The following LAMA1 variants were observed in gnomAD, a reference collection of about 807,000 sequenced individuals.
LAMA1 encodes the protein laminin subunit alpha 1, also known as laminin subunit alpha-1.
In LAMA1, 219 loss-of-function variants were observed where a neutral mutation model predicts 348.7. The observed-to-expected ratio is 0.63, with a 90% CI of 0.56 to 0.70. The LOEUF (loss-of-function observed/expected upper bound fraction) is 0.70. Among genes scored for constraint, LAMA1 ranks in the 30% least tolerant of loss-of-function variants. The pLI, the probability that LAMA1 is intolerant of heterozygous loss-of-function variation, is 0.00. For missense variants in LAMA1, 3,744 were observed against 3,888.0 expected (o/e 0.96, Z 0.99); for synonymous variants, 1,487 against 1,491.0 (o/e 1.00, Z 0.06).
chr18:7,100,670 A>G (rs2058287842), intron 1 of LAMA1, among the ~76,000 whole-genome samples: 2 of 152,190 alleles, frequency 1.3e-5, no homozygotes, highest in Non-Finnish European at 2.9e-5. Flanking sequence ...ATATGCTACA[A>G]AATAGATGAA....
intron 28 of LAMA1, among the ~76,000 whole-genome samples, chr18:7,007,965 C>T (rs377584881): frequency 2.7e-5 from 4 of 150,344 alleles, no homozygotes; most frequent in Non-Finnish European, 5.9e-5. Flanking sequence ...CGGAGTATCT[C>T]TCTGTCACTC....
At chr18:7,116,424 C>T (rs537528244) in intron 1 of LAMA1, among the ~76,000 whole-genome samples, 2 of 152,224 alleles carry the variant, frequency 1.3e-5, no homozygotes, top group Non-Finnish European at 2.9e-5. Context: ...TGGCTCTGCG[C>T]AGCAGACTCG....
In LAMA1 at chr18:6,980,629, A is replaced by G. The variant is rs952313579; in HGVS notation, c.5899T>C (p.Leu1967=). The change falls in exon 42 of 63, where the codon TTG becomes CTG. Residue 1967 remains leucine, a synonymous_variant. Transcript: ENST00000389658. The part of the protein sequence containing the change: ...NLSRKLPGIA[L]ELSELRNKTN... Reference sequence around the variant, plus strand: ...TTATTTCTCAATTCACTCAGTTCCAATGCAATACCTATTTAAAGGGAGAAA... The same window carrying G: ...TTATTTCTCAATTCACTCAGTTCCAGTGCAATACCTATTTAAAGGGAGAAA... 4 of 1,596,590 alleles carry G rather than the reference A, an allele frequency of 2.5e-6. No individual in the cohort carries two copies. In the African/African-American group the frequency reaches 5.4e-5, roughly 21 times the overall value.
At chr18:7,039,161 A>T (rs1345356059) in intron 10 of LAMA1, among the ~76,000 whole-genome samples, 1 of 152,130 alleles carries the variant, frequency 6.6e-6, no homozygotes, top group East Asian at 1.9e-4. Context: ...AAGGCTGGAG[A>T]TCTTAGAACT....
At chr18:7,005,723 G>A (rs183102962) in intron 29 of LAMA1, among the ~76,000 whole-genome samples, 5 of 152,260 alleles carry the variant, frequency 3.3e-5, no homozygotes, top group African/African-American at 1.2e-4. Context: ...TCCAGCCTGG[G>A]TGACAGAGCA....
rs553173962 is a variant in LAMA1, at chr18:7,077,041, AAAC to A, written c.345+2931_345+2933del. The A allele has an allele frequency of 5.3e-5, 8 of 152,318 alleles. No homozygotes were observed. The South Asian group carries it at 1.2e-3, about 24-fold the overall frequency. 9.4% of individuals were successfully genotyped at this position (152,318 alleles called of 1,614,324 possible). On this transcript the variant is annotated intron_variant, in intron 3 of 62. Coordinates refer to ENST00000389658, the MANE Select transcript of LAMA1 (RefSeq NM_005559.4). ...AGCATAATGTGCTTTGTTTAAAAAA[AAAC>A]AAAGCACAGCAGAATTTTTATACTG...
chr18:6,978,513 G>C, intron 42 of LAMA1, 135 bp from the exon 43 acceptor site: 2 of 873,230 alleles, frequency 2.3e-6, no homozygotes, highest in Non-Finnish European at 3.5e-6. Flanking sequence ...ACTGAGGCTT[G>C]TCTGTTTGCT....
chr18:6,943,181 A>G lies in LAMA1; in HGVS notation c.9066T>C (p.Pro3022=), dbSNP rs776980089. 1.2e-6 allele frequency: 2 copies of G among 1,613,986 alleles called. No homozygotes were observed. The highest frequency in any genetic ancestry group is 4.5e-5 in the East Asian group (2 of 44,882). Residue 3022 remains proline, a splice_region_variant and synonymous_variant, in exon 62 of 63, where the codon CCT becomes CCC. Coordinates refer to ENST00000389658, the MANE Select transcript of LAMA1 (RefSeq NM_005559.4). The part of the protein sequence containing the change: ...TNNPIYVGGY[P]AGVKQKCLRS... ...GGAAGAGCAGGTACCCGTACATACC[A>G]GGATAGCCACCAACATAAATGGGAT...
intron 1 of LAMA1, among the ~76,000 whole-genome samples, chr18:7,105,089 G>A (rs1212475476): frequency 6.6e-6 from 1 of 152,098 alleles, no homozygotes; most frequent in Non-Finnish European, 1.5e-5. Context: ...CAAATATTGA[G>A]GAAAACTTCT....
At chr18:6,958,694 GC>G (rs1452769229) in intron 54 of LAMA1, 32 bp from the exon 55 acceptor site, 1 of 1,540,288 alleles carries the variant, frequency 6.5e-7, no homozygotes, top group Non-Finnish European at 9.0e-7. Flanking sequence ...TAAATGAAAA[GC>G]TTTAAACATA....
intron 1 of LAMA1, among the ~76,000 whole-genome samples, chr18:7,116,060 C>A (rs572751880): frequency 1.3e-5 from 2 of 152,014 alleles, no homozygotes; most frequent in African/African-American, 4.8e-5. Flanking sequence ...ACAGGGAATG[C>A]GATATGAAAC....
At position 7,117,414 on chromosome 18, in the gene LAMA1, A is replaced by C. The variant is rs55742243; in HGVS notation, c.61+246T>G. 0.64 allele frequency among the ~76,000 whole-genome samples: 97,177 copies of C among 151,782 alleles called. 31,736 individuals carry two copies. Among genetic ancestry groups the C allele is most frequent in the East Asian group, 0.99 (5,030 of 5,090 alleles). Reference sequence around the variant, plus strand: ...AAGCCAGAGGCGAGGCTGGGCTTTAACCCCAAAGCCCGAGGAGGTTAAAGC... The same window carrying C: ...AAGCCAGAGGCGAGGCTGGGCTTTACCCCCAAAGCCCGAGGAGGTTAAAGC... On this transcript the variant is annotated intron_variant, in intron 1 of 62. Transcript: ENST00000389658.
intron 59 of LAMA1, 152 bp downstream of exon 59, chr18:6,948,949 G>A (rs764137146): frequency 2.1e-5 from 21 of 1,000,168 alleles, no homozygotes; most frequent in South Asian, 6.1e-5. Context: ...CCTGGCACAC[G>A]ATCTGTGGAC....
At chr18:7,003,312 A>G (rs1469539290) in intron 29 of LAMA1, among the ~76,000 whole-genome samples, 1 of 149,312 alleles carries the variant, frequency 6.7e-6, no homozygotes, top group African/African-American at 2.5e-5. Flanking sequence ...GTGCAGAGGC[A>G]TTATCTCGGC....
intron 1 of LAMA1, among the ~76,000 whole-genome samples, chr18:7,104,384 CA>C (rs879662770): frequency 2.0e-4 from 31 of 152,226 alleles, no homozygotes; most frequent in Admixed American, 9.2e-4. Flanking sequence ...CTAGGCATAA[CA>C]AATATAGGCA....
chr18:7,066,013 A>G (rs920273058), intron 3 of LAMA1, among the ~76,000 whole-genome samples: 34 of 152,186 alleles, frequency 2.2e-4, no homozygotes, highest in African/African-American at 8.2e-4. Flanking sequence ...CTCTACCTTC[A>G]GTGCACTTTG....
intron 49 of LAMA1, 47 bp downstream of exon 49, chr18:6,966,100 T>C (rs374341818): frequency 2.8e-5 from 45 of 1,603,804 alleles, no homozygotes; most frequent in Non-Finnish European, 3.7e-5. Flanking sequence ...CATAGCAATC[T>C]AAATGTGTGT....
intron 42 of LAMA1, among the ~76,000 whole-genome samples, chr18:6,979,864 A>G (rs1027628635): frequency 6.6e-6 from 1 of 152,252 alleles, no homozygotes; most frequent in East Asian, 1.9e-4. Flanking sequence ...GCGCCACTGC[A>G]CTCCAGCCTG....
At chr18:7,045,276 C>T (rs866629694) in intron 6 of LAMA1, among the ~76,000 whole-genome samples, 1 of 152,060 alleles carries the variant, frequency 6.6e-6, no homozygotes. Flanking sequence ...CAGGACCAGC[C>T]TGGCCAACAT....
Sources: gnomAD v4.1 joint callset for allele counts (sites outside exome capture counted in the v4.1 genomes callset) on GRCh38, gnomAD v4.1.1 for gene constraint, MANE v1.5 for transcripts, NCBI Gene and HGNC (gene_info 2026-07-23, HGNC 2026-07-21) for gene names.